PHEX: variants seen among roughly 807,000 people sequenced by gnomAD.
The protein encoded by PHEX is phosphate regulating endopeptidase X-linked.
In PHEX, 16 loss-of-function variants were observed where a neutral mutation model predicts 68.0. The observed-to-expected ratio is 0.24, with a 90% CI of 0.16 to 0.36. The LOEUF is 0.36. PHEX is among the 10% of genes least tolerant of loss of function. PHEX has a pLI of 1.00. For missense variants in PHEX, 480 were observed against 575.5 expected (o/e 0.83, Z 1.70); for synonymous variants, 208 against 205.1 (o/e 1.01, Z -0.12).
At chrX:22,050,585 A>C (rs1284661366) in intron 3 of PHEX, among the ~76,000 whole-genome samples, 1 of 109,434 alleles carries the variant, frequency 9.1e-6, no homozygotes, top group East Asian at 2.9e-4. Context: ...AAAAAAAAAA[A>C]AAAAAAAACA....
intron 14 of PHEX, among the ~76,000 whole-genome samples, chrX:22,186,109 A>G: frequency 9.0e-6 from 1 of 111,637 alleles, no homozygotes; most frequent in Middle Eastern, 4.6e-3. Flanking sequence ...CTAGAGTCAT[A>G]TGGAAGGCTA....
At chrX:22,240,831 G>A (rs1207409218) in intron 20 of PHEX, among the ~76,000 whole-genome samples, 1 of 111,516 alleles carries the variant, frequency 9.0e-6, no homozygotes, top group East Asian at 2.8e-4. Flanking sequence ...ACACCCCACT[G>A]TCAACACTAC....
chrX:22,042,678 G>A (rs767026549), intron 2 of PHEX, among the ~76,000 whole-genome samples: 1 of 111,373 alleles, frequency 9.0e-6, no homozygotes, highest in South Asian at 3.8e-4. Context: ...CCAGCTACCT[G>A]GGAGGCCGAG....
chrX:22,072,030 C>G (rs1462967043), intron 3 of PHEX, among the ~76,000 whole-genome samples: 1 of 112,429 alleles, frequency 8.9e-6, no homozygotes, highest in Non-Finnish European at 1.9e-5. Context: ...AGTTCGAGAC[C>G]AGCCTGGCTA....
chrX:22,244,526 C>T (rs1273799489), intron 20 of PHEX, among the ~76,000 whole-genome samples: 1 of 111,104 alleles, frequency 9.0e-6, no homozygotes, highest in Admixed American at 9.6e-5. Flanking sequence ...CGCTTGAACC[C>T]AGGAGGTGGA....
chrX:22,114,334 G>GA (rs1248054764), intron 10 of PHEX, 124 bp from the exon 11 acceptor site: 1 of 626,515 alleles, frequency 1.6e-6, no homozygotes, highest in African/African-American at 2.2e-5. Flanking sequence ...TCTACTATCT[G>GA]ATGCATATAT....
intron 15 of PHEX, among the ~76,000 whole-genome samples, chrX:22,199,995 G>A (rs911162756): frequency 9.0e-6 from 1 of 111,524 alleles, no homozygotes; most frequent in Non-Finnish European, 1.9e-5. Flanking sequence ...TTTCCACTAG[G>A]GCTTTACAGG....
chrX:22,126,872 T>TG (rs1315643325), intron 11 of PHEX, among the ~76,000 whole-genome samples: 1 of 87,181 alleles, frequency 1.1e-5, no homozygotes, highest in Admixed American at 1.2e-4. Context: ...TTGTTTTTTT[T>TG]TTTTTTTTTT....
chrX:22,130,414 T>G (rs955877121), intron 11 of PHEX, among the ~76,000 whole-genome samples: 2 of 109,294 alleles, frequency 1.8e-5, no homozygotes, highest in Non-Finnish European at 3.8e-5. Flanking sequence ...TGGTGGTGCA[T>G]GTCTGTGATC....
intron 15 of PHEX, among the ~76,000 whole-genome samples, chrX:22,193,172 TATAATA>T (rs1245500108): frequency 1.8e-5 from 2 of 111,087 alleles, no homozygotes; most frequent in Admixed American, 1.9e-4. Context: ...AACTAATACT[TATAATA>T]ATTTATTATT....
intron 12 of PHEX, among the ~76,000 whole-genome samples, chrX:22,148,456 A>C (rs190945232): frequency 0.017 from 1,896 of 112,055 alleles, 25 homozygotes; most frequent in Non-Finnish European, 0.027. Flanking sequence ...TAACATATCC[A>C]TCACTTCACA....
At chrX:22,241,543 AAAAG>A (rs1196626478) in intron 20 of PHEX, among the ~76,000 whole-genome samples, 7 of 111,895 alleles carry the variant, frequency 6.3e-5, no homozygotes, top group Non-Finnish European at 1.3e-4. Context: ...AATAAAGAAT[AAAAG>A]AGGGAAGAAT....
chrX:22,096,578 G>A (rs1228314574), intron 7 of PHEX, among the ~76,000 whole-genome samples: 1 of 111,833 alleles, frequency 8.9e-6, no homozygotes, highest in Admixed American at 9.4e-5. Flanking sequence ...GATGGTCTGT[G>A]GTTCATGAAA....
chrX:22,076,624 G>T (rs1239359315), intron 4 of PHEX, 150 bp downstream of exon 4: 18 of 488,758 alleles, frequency 3.7e-5, no homozygotes, highest in Middle Eastern at 5.4e-4. Context: ...TGAAAGACTG[G>T]ATTTTGACTA....
chrX:22,060,048 A>C (rs756284580), intron 3 of PHEX, among the ~76,000 whole-genome samples: 27 of 109,288 alleles, frequency 2.5e-4, no homozygotes, highest in African/African-American at 8.4e-4. Flanking sequence ...CCAGCTACTC[A>C]GGAAGTTGGA....
intron 15 of PHEX, among the ~76,000 whole-genome samples, chrX:22,202,910 G>A (rs1232958717): frequency 2.7e-5 from 3 of 111,689 alleles, no homozygotes; most frequent in Admixed American, 9.6e-5. Flanking sequence ...TGATAGATGG[G>A]GATTATCTGG....
In PHEX at chrX:22,226,679, C is replaced by G. The variant is rs188769975; in HGVS notation, c.1965+171C>G. On this transcript the variant is annotated intron_variant, in intron 19 of 21. Coordinates refer to ENST00000379374, the MANE Select transcript of PHEX (RefSeq NM_000444.6). ...CATTGACCCTATTACATAAAGAGAACTATATTTCTTTTTTCTTTTTGGGGT... is the reference window on the plus strand; with the variant it reads ...CATTGACCCTATTACATAAAGAGAAGTATATTTCTTTTTTCTTTTTGGGGT... Among the ~76,000 whole-genome samples, 12 of 111,745 alleles carry G rather than the reference C, an allele frequency of 1.1e-4. No homozygotes were observed. The East Asian group carries it at 1.4e-3, about 13-fold the overall frequency.
At position 22,188,140 on chromosome X, in the gene PHEX, G is replaced by C. The variant is rs148495792; in HGVS notation, c.1587-2304G>C. ...AGTTTACCAACTAGTATCAATAATT[G>C]GGTTTCCTATTAGTTTCATATTAAC... On this transcript the variant is annotated intron_variant, in intron 14 of 21. Transcript: ENST00000379374. 7.1e-3 allele frequency among the ~76,000 whole-genome samples: 791 copies of C among 112,026 alleles called. 1 individual carries two copies. Among genetic ancestry groups the C allele is most frequent in the Non-Finnish European group, 0.012 (659 of 53,163 alleles).
chrX:22,048,295 C>A (rs1053791936), intron 3 of PHEX, among the ~76,000 whole-genome samples: 2 of 111,349 alleles, frequency 1.8e-5, no homozygotes, highest in African/African-American at 6.5e-5. Flanking sequence ...TCAGGGTTTT[C>A]TCCTAACCCA....
Sources: gnomAD v4.1 joint callset for allele counts (sites outside exome capture counted in the v4.1 genomes callset) on GRCh38, gnomAD v4.1.1 for gene constraint, MANE v1.5 for transcripts, NCBI Gene and HGNC (gene_info 2026-07-23, HGNC 2026-07-21) for gene names.